The following ROR2 variants were observed in gnomAD, a reference collection of about 807,000 sequenced individuals.
ROR2 encodes the protein ROR family WNT receptor 2.
In ROR2, 33 loss-of-function variants were observed where a neutral mutation model predicts 74.9. The ratio of observed to expected loss-of-function variants is 0.44; its 90% CI spans 0.33 to 0.59. ROR2 has a LOEUF of 0.59. Ranked by LOEUF, ROR2 falls within the 20% of genes least tolerant of loss-of-function variation. The probability of loss-of-function intolerance (pLI) is 0.02; values close to 1 mark genes in which losing one functional copy is unlikely to be tolerated. For synonymous variants in ROR2, 586 were observed against 558.7 expected, an observed-to-expected ratio of 1.05 and a Z score of -0.69; for missense variants, 1,216 against 1,313.8, an observed-to-expected ratio of 0.93 and a Z score of 1.15.
At chr9:91,775,631 C>G in intron 2 of ROR2, 110 bp downstream of exon 2, 1 of 990,494 alleles carries the variant, frequency 1.0e-6, no homozygotes, top group Non-Finnish European at 1.6e-6. Context: ...CAGGGGGCAC[C>G]AAGGGGCCAG....
chr9:91,762,018 A>G (rs955235579), intron 2 of ROR2, among the ~76,000 whole-genome samples: 5 of 152,194 alleles, frequency 3.3e-5, no homozygotes, highest in Non-Finnish European at 7.3e-5. Context: ...TTTCTTGGCA[A>G]TAATTGTTGT....
At chr9:91,907,805 T>C (rs557059125) in intron 1 of ROR2, among the ~76,000 whole-genome samples, 2 of 152,320 alleles carry the variant, frequency 1.3e-5, no homozygotes, top group East Asian at 3.9e-4. Context: ...AATTGAGTCA[T>C]GAGCTTCCTG....
intron 2 of ROR2, among the ~76,000 whole-genome samples, chr9:91,767,170 G>T (rs1341947435): frequency 1.3e-5 from 2 of 151,842 alleles, no homozygotes; most frequent in African/African-American, 4.8e-5. Context: ...CAACTCCCTG[G>T]TTCAAACAAT....
At chr9:91,764,586 A>C (rs1055248091) in intron 2 of ROR2, among the ~76,000 whole-genome samples, 5 of 150,342 alleles carry the variant, frequency 3.3e-5, no homozygotes, top group African/African-American at 4.9e-5. Flanking sequence ...ACACACACAC[A>C]CCACACACAT....
intron 1 of ROR2, chr9:91,948,835 C>G: frequency 1.0e-6 from 1 of 985,394 alleles, no homozygotes; most frequent in Non-Finnish European, 1.2e-6. Context: ...CCTGAAGGCC[C>G]CGCCCGCCCT....
At chr9:91,802,031 C>T (rs1827397671) in intron 1 of ROR2, among the ~76,000 whole-genome samples, 1 of 151,786 alleles carries the variant, frequency 6.6e-6, no homozygotes, top group East Asian at 1.9e-4. Flanking sequence ...CTTGACGAAG[C>T]CCATCATAAA....
At chr9:91,765,002 T>C (rs141072180) in intron 2 of ROR2, among the ~76,000 whole-genome samples, 103 of 152,352 alleles carry the variant, frequency 6.8e-4, no homozygotes, top group African/African-American at 2.2e-3. Context: ...CCAAATTGTC[T>C]ATCATTAATA....
chr9:91,891,570 T>C (rs923125201), intron 1 of ROR2, among the ~76,000 whole-genome samples: 2 of 151,548 alleles, frequency 1.3e-5, no homozygotes, highest in African/African-American at 4.8e-5. Context: ...CACCCGGCCC[T>C]AGCTGTGTTC....
At chr9:91,785,313 A>G (rs141494729) in intron 1 of ROR2, among the ~76,000 whole-genome samples, 153 of 152,312 alleles carry the variant, frequency 1.0e-3, no homozygotes, top group African/African-American at 3.5e-3. Context: ...CCCTGTTTCA[A>G]TGTGAGTTCC....
intron 1 of ROR2, among the ~76,000 whole-genome samples, chr9:91,813,808 G>A (rs555994899): frequency 6.6e-6 from 1 of 152,238 alleles, no homozygotes; most frequent in East Asian, 1.9e-4. Context: ...CTCAGAGAGC[G>A]TGTTTACCGC....
At chr9:91,749,254 T>A (rs1159554250) in intron 4 of ROR2, among the ~76,000 whole-genome samples, 2 of 152,174 alleles carry the variant, frequency 1.3e-5, no homozygotes, top group African/African-American at 4.8e-5. Context: ...TAGGCTGCCA[T>A]AACTAATATC....
In ROR2 at chr9:91,912,586, T is replaced by C. The variant is rs182462010; in HGVS notation, c.97+37281A>G. Among the ~76,000 whole-genome samples the C allele has an allele frequency of 6.7e-4, 102 of 152,332 alleles. 1 individual carries two copies. The highest frequency in any genetic ancestry group is 2.1e-3 in the African/African-American group (88 of 41,586). On this transcript the variant is annotated intron_variant, in intron 1 of 8. Coordinates refer to ENST00000375708, the MANE Select transcript of ROR2 (RefSeq NM_004560.4). ...TGTGTATTCTTCTGCCAGGATGTGCTTTCTTCCAAAGTCAAAGCAAAAATC... is the reference window on the plus strand; with the variant it reads ...TGTGTATTCTTCTGCCAGGATGTGCCTTCTTCCAAAGTCAAAGCAAAAATC...
chr9:91,934,787 T>G (rs1236051619), intron 1 of ROR2, among the ~76,000 whole-genome samples: 2 of 152,168 alleles, frequency 1.3e-5, no homozygotes, highest in African/African-American at 4.8e-5. Context: ...TGAACCTTAT[T>G]TGAACTCTGA....
intron 1 of ROR2, among the ~76,000 whole-genome samples, chr9:91,903,988 G>C (rs1017578410): frequency 1.6e-4 from 25 of 152,078 alleles, no homozygotes; most frequent in African/African-American, 5.8e-4. Context: ...CCACAAGGTA[G>C]GAATCACTGC....
At chr9:91,846,425 A>C (rs1237924775) in intron 1 of ROR2, among the ~76,000 whole-genome samples, 1 of 152,198 alleles carries the variant, frequency 6.6e-6, no homozygotes, top group Non-Finnish European at 1.5e-5. Context: ...TCTACAAGCC[A>C]AGAAGAGAGC....
chr9:91,816,171 C>T (rs1437380186), intron 1 of ROR2, among the ~76,000 whole-genome samples: 1 of 152,174 alleles, frequency 6.6e-6, no homozygotes, highest in Non-Finnish European at 1.5e-5. Flanking sequence ...TCTCCCTGGG[C>T]CTGCCCTCAC....
At chr9:91,816,639 G>A (rs957119385) in intron 1 of ROR2, among the ~76,000 whole-genome samples, 3 of 151,886 alleles carry the variant, frequency 2.0e-5, no homozygotes, top group Non-Finnish European at 4.4e-5. Context: ...GGTATGCAGG[G>A]CCCTCCCTGG....
chr9:91,769,839 G>A (rs985816411), intron 2 of ROR2, among the ~76,000 whole-genome samples: 1 of 152,196 alleles, frequency 6.6e-6, no homozygotes, highest in African/African-American at 2.4e-5. Context: ...GACACTCAGA[G>A]AGCCCGGAGG....
At chr9:91,754,537 A>G (rs1825684221) in intron 4 of ROR2, among the ~76,000 whole-genome samples, 1 of 151,968 alleles carries the variant, frequency 6.6e-6, no homozygotes, top group South Asian at 2.1e-4. Context: ...CGCATCTGTA[A>G]TTTCAGCTAC....
Sources: gnomAD v4.1 joint callset for allele counts (sites outside exome capture counted in the v4.1 genomes callset) on GRCh38, gnomAD v4.1.1 for gene constraint, MANE v1.5 for transcripts, NCBI Gene and HGNC (gene_info 2026-07-23, HGNC 2026-07-21) for gene names.